Variants in CPNE4 observed in about 807,000 individuals in gnomAD.
The protein encoded by CPNE4 is copine 4, also known as copine-4.
Under a neutral mutation model 67.9 loss-of-function variants are expected in CPNE4, and 25 were observed. The observed-to-expected ratio is 0.37, with a 90% CI of 0.27 to 0.51. CPNE4 has a LOEUF of 0.51. CPNE4 is among the 20% of genes least tolerant of loss of function. The pLI is 0.93. For synonymous variants in CPNE4, 242 were observed against 244.9 expected (o/e 0.99, Z 0.11); for missense variants, 464 against 690.8 (o/e 0.67, Z 3.68).
At position 131,669,739 on chromosome 3, in the gene CPNE4, G is replaced by A; in HGVS notation, c.617C>T (p.Ala206Val). 2 of 1,613,730 alleles carry A rather than the reference G, an allele frequency of 1.2e-6. No individual in the cohort carries two copies. The highest frequency in any genetic ancestry group is 1.1e-5 in the South Asian group (1 of 91,058). Residue 206 changes from alanine to valine, a missense_variant, in exon 7 of 16, where the codon GCC (alanine) becomes GTC (valine). By Grantham distance (64) the Ala-to-Val change is moderately conservative. Coordinates refer to ENST00000429747, the MANE Select transcript of CPNE4 (RefSeq NM_130808.3). ...TEVVMNNLSP[A>V]WKSFKVSVNS... ...TACAGATACTTTGAATGATTTCCAGGCTGGGCTTAAGTTATTCATCACAAC... is the reference window on the plus strand; with the variant it reads ...TACAGATACTTTGAATGATTTCCAGACTGGGCTTAAGTTATTCATCACAAC...
intron 1 of CPNE4, among the ~76,000 whole-genome samples, chr3:131,908,868 T>C (rs2088866632): frequency 6.6e-6 from 1 of 152,100 alleles, no homozygotes; most frequent in African/African-American, 2.4e-5. Context: ...ATATCTATCT[T>C]GAAGAGGTGC....
At chr3:131,760,807 C>G (rs1372116003) in intron 2 of CPNE4, among the ~76,000 whole-genome samples, 2 of 152,146 alleles carry the variant, frequency 1.3e-5, no homozygotes, top group Non-Finnish European at 2.9e-5. Context: ...AAACTAATGT[C>G]AGCCCTTCTT....
At chr3:131,705,827 CAG>C (rs1166736036) in intron 3 of CPNE4, among the ~76,000 whole-genome samples, 5 of 152,306 alleles carry the variant, frequency 3.3e-5, no homozygotes, top group African/African-American at 1.2e-4. Context: ...AGGAGGGTTT[CAG>C]AGAGAGTTTT....
chr3:131,667,291 C>A (rs562490272), intron 7 of CPNE4, among the ~76,000 whole-genome samples: 20 of 152,222 alleles, frequency 1.3e-4, no homozygotes, highest in African/African-American at 4.6e-4. Context: ...TTCATAGGTT[C>A]TTGAGGAGTT....
intron 2 of CPNE4, among the ~76,000 whole-genome samples, chr3:131,821,059 G>C (rs1053546756): frequency 6.6e-6 from 1 of 152,024 alleles, no homozygotes; most frequent in Non-Finnish European, 1.5e-5. Context: ...CATTTTACAG[G>C]GTAATCAACA....
At chr3:131,836,406 C>T (rs2085558427) in intron 2 of CPNE4, among the ~76,000 whole-genome samples, 1 of 152,106 alleles carries the variant, frequency 6.6e-6, no homozygotes, top group African/African-American at 2.4e-5. Context: ...AAATTTAACA[C>T]CCATTTGTGC....
At chr3:131,599,500 A>G (rs1666411634) in intron 7 of CPNE4, among the ~76,000 whole-genome samples, 1 of 152,260 alleles carries the variant, frequency 6.6e-6, no homozygotes, top group South Asian at 2.1e-4. Flanking sequence ...AATGCCAAAT[A>G]GAATGAAATA....
intron 9 of CPNE4, among the ~76,000 whole-genome samples, chr3:131,577,199 T>A (rs1414504654): frequency 6.6e-6 from 1 of 152,152 alleles, no homozygotes; most frequent in African/African-American, 2.4e-5. Flanking sequence ...ACTATCTTGT[T>A]ATGTAAGGAT....
intron 2 of CPNE4, among the ~76,000 whole-genome samples, chr3:131,842,118 C>T (rs1217834332): frequency 1.3e-5 from 2 of 152,182 alleles, no homozygotes; most frequent in African/African-American, 4.8e-5. Context: ...TACCACAAAA[C>T]AGAAATGGCA....
chr3:131,885,396 A>G (rs1054252316), intron 2 of CPNE4, among the ~76,000 whole-genome samples: 1 of 151,588 alleles, frequency 6.6e-6, no homozygotes, highest in Non-Finnish European at 1.5e-5. Context: ...TTAAGATAGT[A>G]TAGTATTATA....
rs147753647 is a variant in CPNE4 at position 131,901,664 on chromosome 3, G to A, written c.180+3600C>T. ...AGTAGGAGAAATAGAGGAGTTGCAG[G>A]CAGGGCTGGAAATGTTGCCTAGAAG... On this transcript the variant is annotated intron_variant, in intron 2 of 15. Transcript: ENST00000429747. Among the ~76,000 whole-genome samples, 458 of 152,094 alleles carry A rather than the reference G, an allele frequency of 3.0e-3. 2 individuals carry two copies. Among genetic ancestry groups the A allele is most frequent in the African/African-American group, 0.011 (444 of 41,502 alleles).
At chr3:131,876,981 A>G (rs2087487147) in intron 2 of CPNE4, among the ~76,000 whole-genome samples, 1 of 152,060 alleles carries the variant, frequency 6.6e-6, no homozygotes. Flanking sequence ...TCTTTTCTCT[A>G]ACAATCTACA....
intron 6 of CPNE4, among the ~76,000 whole-genome samples, chr3:131,682,385 T>C (rs1384220062): frequency 6.6e-6 from 1 of 152,164 alleles, no homozygotes; most frequent in East Asian, 1.9e-4. Flanking sequence ...TGCTGGGCTC[T>C]TTCAGACTTG....
intron 1 of CPNE4, among the ~76,000 whole-genome samples, chr3:132,019,580 C>T (rs940981014): frequency 3.3e-5 from 5 of 152,096 alleles, no homozygotes; most frequent in Admixed American, 1.3e-4. Flanking sequence ...TGTCCATTTA[C>T]TTTTAAAAAC....
intron 1 of CPNE4, among the ~76,000 whole-genome samples, chr3:132,030,837 T>C (rs1443121688): frequency 6.6e-6 from 1 of 152,232 alleles, no homozygotes; most frequent in African/African-American, 2.4e-5. Context: ...GTTTTTATTA[T>C]GCAGTCACAA....
chr3:131,552,621 A>C, intron 12 of CPNE4, 130 bp from the exon 13 acceptor site: 1 of 671,358 alleles, frequency 1.5e-6, no homozygotes, highest in Non-Finnish European at 2.6e-6. Flanking sequence ...AGCAGCAGGA[A>C]CCATTTCAAG....
chr3:131,698,250 A>AG (rs2081205609), intron 4 of CPNE4, among the ~76,000 whole-genome samples: 1 of 141,000 alleles, frequency 7.1e-6, no homozygotes, highest in Admixed American at 7.0e-5. Context: ...AAAAAAAAAA[A>AG]AAAGAAAGAA....
At chr3:132,025,322 C>A (rs867887782) in intron 1 of CPNE4, among the ~76,000 whole-genome samples, 17 of 152,110 alleles carry the variant, frequency 1.1e-4, no homozygotes, top group African/African-American at 3.9e-4. Context: ...TGGTTGTGTT[C>A]CTGGGGCCAG....
At chr3:131,937,793 G>T (rs1049571239) in intron 1 of CPNE4, among the ~76,000 whole-genome samples, 1 of 151,906 alleles carries the variant, frequency 6.6e-6, no homozygotes, top group Non-Finnish European at 1.5e-5. Context: ...ATTTAAAATT[G>T]AAAAATCAAA....
Sources: allele counts gnomAD v4.1 joint callset (sites outside exome capture counted in the v4.1 genomes callset), GRCh38; gene constraint gnomAD v4.1.1; transcripts MANE v1.5; gene names NCBI Gene and HGNC (gene_info 2026-07-23, HGNC 2026-07-21).